The following DUOX1 variants were observed in gnomAD, a reference collection of about 807,000 sequenced individuals.
DUOX1 encodes the protein dual oxidase 1, also known as NADPH thyroid oxidase 1.
Under a neutral mutation model 181.8 loss-of-function variants are expected in DUOX1, and 134 were observed. That is an observed-to-expected ratio of 0.74 (90% CI 0.64 to 0.85). DUOX1 has a LOEUF of 0.85. Ranked by LOEUF, DUOX1 falls within the 40% of genes least tolerant of loss-of-function variation. DUOX1 has a pLI of 0.00. For synonymous variants in DUOX1, 798 were observed against 832.5 expected (o/e 0.96, Z 0.71); for missense variants, 1,814 against 2,064.4 (o/e 0.88, Z 2.35).
chr15:45,135,379 C>A, intron 5 of DUOX1, 88 bp downstream of exon 5: 1 of 1,494,694 alleles, frequency 6.7e-7, no homozygotes, highest in Non-Finnish European at 8.9e-7. Context: ...AGGGGAGAGG[C>A]GCCCACTCCC....
intron 25 of DUOX1, 191 bp downstream of exon 25, chr15:45,152,707 G>A (rs1444852086): frequency 3.2e-6 from 2 of 624,608 alleles, no homozygotes; most frequent in Non-Finnish European, 5.6e-6. Context: ...GCCTCTTCCC[G>A]CACTTTCCAG....
intron 9 of DUOX1, among the ~76,000 whole-genome samples, chr15:45,137,524 T>C (rs1170105558): frequency 7.2e-5 from 11 of 152,156 alleles, no homozygotes. Context: ...GTATGCCTGA[T>C]GATGTCTGAG....
chr15:45,141,228 C>A, intron 13 of DUOX1, 64 bp from the exon 14 acceptor site: 1 of 1,587,484 alleles, frequency 6.3e-7, no homozygotes, highest in Non-Finnish European at 8.6e-7. Flanking sequence ...GGTCCTTGGG[C>A]CTGGGGTTGC....
At chr15:45,157,216 TG>T (rs1390204209) in intron 28 of DUOX1, among the ~76,000 whole-genome samples, 3 of 152,238 alleles carry the variant, frequency 2.0e-5, no homozygotes, top group Admixed American at 6.5e-5. Context: ...TGGCTTAGGA[TG>T]TTTCCTAGAA....
intron 2 of DUOX1, among the ~76,000 whole-genome samples, 198 bp downstream of exon 2, chr15:45,132,222 A>G (rs551063450): frequency 6.6e-6 from 1 of 152,360 alleles, no homozygotes; most frequent in East Asian, 1.9e-4. Context: ...ATCCCCAAAT[A>G]CACAGAATTA....
intron 2 of DUOX1, 53 bp downstream of exon 2, chr15:45,132,077 C>A: frequency 6.7e-7 from 1 of 1,486,844 alleles, no homozygotes; most frequent in South Asian, 1.3e-5. Flanking sequence ...ACCCAGCATC[C>A]TCTGGGCTCC....
At chr15:45,143,031 C>T (rs1331452488) in intron 15 of DUOX1, among the ~76,000 whole-genome samples, 159 bp from the exon 16 acceptor site, 1 of 152,124 alleles carries the variant, frequency 6.6e-6, no homozygotes, top group African/African-American at 2.4e-5. Flanking sequence ...GGATGCAGAG[C>T]AGCTTCCCCC....
In DUOX1 at chr15:45,134,178, AT is replaced by A; in HGVS notation, c.177del (p.Tyr59Ter). On this transcript the variant is annotated frameshift_variant, in exon 4 of 34. Transcript: ENST00000389037. LOFTEE classifies it high-confidence loss of function. ...SRLQRLVPAS[Y>X]ADGVYQPLGE... ...CTGCAGCGCCTGGTCCCAGCCAGCT[AT>A]GCAGATGGCGTGTACCAGCCCTTGG... 1.9e-6 allele frequency: 3 copies of A among 1,557,996 alleles called. No homozygotes were observed. The highest frequency in any genetic ancestry group is 2.6e-6 in the Non-Finnish European group (3 of 1,156,796).
chr15:45,152,121 C>A (rs1338910576), intron 24 of DUOX1, 69 bp downstream of exon 24: 3 of 1,560,190 alleles, frequency 1.9e-6, no homozygotes, highest in Non-Finnish European at 2.6e-6. Flanking sequence ...GGGGGTGGGG[C>A]CTGCGATAAG....
At chr15:45,153,314 G>T in intron 25 of DUOX1, 66 bp from the exon 26 acceptor site, 1 of 1,306,262 alleles carries the variant, frequency 7.7e-7, no homozygotes, top group Non-Finnish European at 1.1e-6. Flanking sequence ...CCTCGATCTT[G>T]GGCTGAATGA....
intron 12 of DUOX1, chr15:45,139,956 C>T (rs1896449176): frequency 2.6e-6 from 2 of 772,522 alleles, no homozygotes; most frequent in Non-Finnish European, 4.2e-6. Flanking sequence ...GTTTAAGCCA[C>T]CTTTCAGGAG....
intron 31 of DUOX1, 111 bp downstream of exon 31, chr15:45,162,488 G>T: frequency 7.0e-7 from 1 of 1,435,692 alleles, no homozygotes. Flanking sequence ...AACTGGGCAG[G>T]GGCAAGTTGG....
In DUOX1 at chr15:45,131,904, C is replaced by T; in HGVS notation, c.-49-14C>T. The T allele has an allele frequency of 6.4e-7, 1 of 1,550,800 alleles. No individual in the cohort carries two copies. The highest frequency in any genetic ancestry group is 8.9e-7 in the Non-Finnish European group (1 of 1,122,876). On this transcript the variant is annotated splice_polypyrimidine_tract_variant and intron_variant, in intron 1 of 33. Transcript: ENST00000389037. ...TGAGTAGCTGGGGCTCATTCTTTGC[C>T]TGTCTTTTTCTAGGGTCTCCATTTT... is the stretch of plus-strand genomic sequence containing the variant.
intron 28 of DUOX1, among the ~76,000 whole-genome samples, chr15:45,158,751 G>A (rs1445734288): frequency 1.3e-5 from 2 of 150,788 alleles, no homozygotes; most frequent in Non-Finnish European, 2.9e-5. Flanking sequence ...TGTATCTGTG[G>A]AGGGTCTTTT....
intron 9 of DUOX1, 104 bp downstream of exon 9, chr15:45,136,729 G>T: frequency 9.6e-7 from 1 of 1,038,524 alleles, no homozygotes. Context: ...AGTCTGAAGT[G>T]TCCCCAAGGG....
intron 1 of DUOX1, 25 bp from the exon 2 acceptor site, chr15:45,131,892 CT>C (rs1434142485): frequency 2.1e-5 from 31 of 1,477,718 alleles, no homozygotes; most frequent in Non-Finnish European, 2.5e-5. Context: ...GTAGCTGGGG[CT>C]CATTCTTTGC....
rs1394848786 is a variant in DUOX1 at position 45,148,370 on chromosome 15, A to C, written c.2741A>C (p.Glu914Ala). ...GAGTCGGGATTCCAGGACAAGGAGG[A>C]ACTGACATGGGAAGATTTTCACTTC... is the stretch of plus-strand genomic sequence containing the variant. ...FRESGFQDKEELTWEDFHFML... is the reference protein window; with the variant it reads ...FRESGFQDKEALTWEDFHFML... The change falls in exon 21 of 34, where the codon GAA (glutamate) becomes GCA (alanine). Residue 914 changes from glutamate to alanine, a missense_variant. Glu to Ala is a moderately radical substitution (Grantham distance 107, BLOSUM62 -1). Coordinates refer to ENST00000389037, the MANE Select transcript of DUOX1 (RefSeq NM_175940.3). 1 of 1,614,156 alleles carries C rather than the reference A, an allele frequency of 6.2e-7. No homozygotes were observed. Among genetic ancestry groups the C allele is most frequent in the Non-Finnish European group, 8.5e-7 (1 of 1,180,030 alleles).
At chr15:45,154,730 G>A (rs114952582) in intron 27 of DUOX1, among the ~76,000 whole-genome samples, 69 of 151,962 alleles carry the variant, frequency 4.5e-4, no homozygotes, top group African/African-American at 1.7e-3. Flanking sequence ...ACAGGCTTTG[G>A]TTAGATCCCT....
chr15:45,141,924 C>G (rs768541864), intron 14 of DUOX1, 51 bp from the exon 15 acceptor site: 5 of 1,572,050 alleles, frequency 3.2e-6, no homozygotes, highest in Non-Finnish European at 4.3e-6. Context: ...TGATCCTGTG[C>G]CAGCACCTGT....
Sources: gnomAD v4.1 joint callset for allele counts (sites outside exome capture counted in the v4.1 genomes callset) on GRCh38, gnomAD v4.1.1 for gene constraint, MANE v1.5 for transcripts, NCBI Gene and HGNC (gene_info 2026-07-23, HGNC 2026-07-21) for gene names.